MCM9: variants seen among roughly 807,000 people sequenced by gnomAD.
MCM9 encodes the protein DNA helicase MCM9.
MCM9 carries 55 observed loss-of-function variants against 72.8 expected under a neutral mutation model. That is an observed-to-expected ratio of 0.76 (90% confidence interval 0.61 to 0.95). The LOEUF (loss-of-function observed/expected upper bound fraction) is 0.95, where lower values mean the gene tolerates loss of function less well. MCM9 is among the 40% of genes least tolerant of loss of function. The pLI, the probability that MCM9 is intolerant of heterozygous loss-of-function variation, is 0.00. For synonymous variants in MCM9, 480 were observed against 503.4 expected, an observed-to-expected ratio of 0.95 and a Z score of 0.62; for missense variants, 1,279 against 1,377.0, an observed-to-expected ratio of 0.93 and a Z score of 1.13.
At chr6:118,863,881 T>TTTATA (rs1777055437) in intron 8 of MCM9, among the ~76,000 whole-genome samples, 1 of 151,958 alleles carries the variant, frequency 6.6e-6, no homozygotes, top group South Asian at 2.1e-4. Flanking sequence ...AACTACCCAG[T>TTTATA]CTTAGGTATT....
chr6:118,853,622 A>T (rs1776366629), intron 9 of MCM9, among the ~76,000 whole-genome samples: 1 of 152,142 alleles, frequency 6.6e-6, no homozygotes, highest in Admixed American at 6.5e-5. Flanking sequence ...CAACATAGCA[A>T]GACCCCACCT....
At chr6:118,927,075 C>A (rs571481426) in intron 3 of MCM9, among the ~76,000 whole-genome samples, 69 of 152,328 alleles carry the variant, frequency 4.5e-4, no homozygotes, top group African/African-American at 1.6e-3. Flanking sequence ...TTCATTCTCT[C>A]TTCCTTGGCC....
At chr6:118,849,746 T>C (rs1488956329) in intron 9 of MCM9, among the ~76,000 whole-genome samples, 1 of 151,848 alleles carries the variant, frequency 6.6e-6, no homozygotes, top group African/African-American at 2.4e-5. Flanking sequence ...ATAAGAATAC[T>C]ACATATAATC....
In MCM9 at chr6:118,925,333, T is replaced by C. The variant is rs562950122; in HGVS notation, c.305-1206A>G. Among the ~76,000 whole-genome samples the C allele has an allele frequency of 5.3e-5, 8 of 152,274 alleles. No homozygotes were observed. The East Asian group carries it at 7.7e-4, about 15-fold the overall frequency. ...GCCTACTGAAGGCCCATCCATCAGA[T>C]TGTCCAGCCCATGAGAAATGCCATA... On this transcript the variant is annotated intron_variant, in intron 3 of 13. Transcript: ENST00000619706.
intron 1 of MCM9, among the ~76,000 whole-genome samples, 180 bp from the exon 2 acceptor site, chr6:118,932,920 T>C (rs1782554363): frequency 6.6e-6 from 1 of 152,198 alleles, no homozygotes; most frequent in African/African-American, 2.4e-5. Context: ...CCCATTCTAG[T>C]TTCATGTATA....
chr6:118,894,016 A>G, intron 8 of MCM9: 4 of 987,602 alleles, frequency 4.1e-6, no homozygotes, highest in Non-Finnish European at 4.8e-6. Flanking sequence ...CCCAGCCCTT[A>G]TTCCACTCAC....
At chr6:118,830,798 CA>C (rs1396025872) in intron 9 of MCM9, among the ~76,000 whole-genome samples, 10 of 152,146 alleles carry the variant, frequency 6.6e-5, no homozygotes, top group African/African-American at 2.4e-4. Context: ...TTCCTTTGTG[CA>C]AAAAGCTGTA....
At chr6:118,931,322 G>T (rs1277040799) in intron 3 of MCM9, 98 bp downstream of exon 3, 3 of 940,668 alleles carry the variant, frequency 3.2e-6, no homozygotes, top group Non-Finnish European at 4.7e-6. Flanking sequence ...TATATTTTAA[G>T]TATAAATATC....
chr6:118,931,456 CAG>C lies in MCM9; in HGVS notation c.266_267del (p.Ala89GlyfsTer19), dbSNP rs746133031. 5 of 1,612,778 alleles carry C rather than the reference CAG, an allele frequency of 3.1e-6. No individual in the cohort carries two copies. The highest frequency in any genetic ancestry group is 4.2e-6 in the Non-Finnish European group (5 of 1,178,876). On this transcript the variant is annotated frameshift_variant, in exon 3 of 14. Transcript: ENST00000619706. LOFTEE classifies it high-confidence loss of function. ...TILQSLSQPEAVSMKQNLHAR... is the reference protein window; with the variant it reads ...TILQSLSQPEXVSMKQNLHAR... ...GCATGAAGATTCTGTTTCATGGAAACAGCCTCAGGCTGAGAAAGGGACTGGAG... is the reference window on the plus strand; with the variant it reads ...GCATGAAGATTCTGTTTCATGGAAACCCTCAGGCTGAGAAAGGGACTGGAG...
intron 8 of MCM9, among the ~76,000 whole-genome samples, chr6:118,904,711 G>A (rs1401123544): frequency 6.6e-6 from 1 of 152,166 alleles, no homozygotes; most frequent in Non-Finnish European, 1.5e-5. Flanking sequence ...ACCTTCACTG[G>A]TTTCCACATT....
At chr6:118,825,783 G>A (rs1329901713) in intron 13 of MCM9, among the ~76,000 whole-genome samples, 1 of 152,126 alleles carries the variant, frequency 6.6e-6, no homozygotes, top group Non-Finnish European at 1.5e-5. Context: ...ATTTTAATGA[G>A]TCATTAGAAA....
chr6:118,819,247 G>A (rs1219453713), intron 13 of MCM9, among the ~76,000 whole-genome samples: 1 of 152,100 alleles, frequency 6.6e-6, no homozygotes, highest in African/African-American at 2.4e-5. Context: ...TATGATATTG[G>A]CTGTAGGTTT....
chr6:118,896,042 T>TG (rs1491511945), intron 8 of MCM9, among the ~76,000 whole-genome samples: 1 of 73,374 alleles, frequency 1.4e-5, no homozygotes, highest in Non-Finnish European at 2.8e-5. Context: ...TGTGCCCCCG[T>TG]TTTTTTTTTT....
intron 5 of MCM9, chr6:118,918,520 C>T (rs1269755890): frequency 6.6e-6 from 1 of 152,168 alleles, no homozygotes; most frequent in African/African-American, 2.4e-5. Flanking sequence ...CAAACACTGC[C>T]ATCTGTACTT....
chr6:118,849,969 C>T (rs567797505), intron 9 of MCM9, among the ~76,000 whole-genome samples: 3 of 151,724 alleles, frequency 2.0e-5, no homozygotes, highest in South Asian at 2.1e-4. Flanking sequence ...GGTAGGGATA[C>T]GAATGTGATT....
intron 8 of MCM9, among the ~76,000 whole-genome samples, chr6:118,900,177 G>A (rs760054575): frequency 6.6e-6 from 1 of 152,134 alleles, no homozygotes; most frequent in East Asian, 1.9e-4. Flanking sequence ...GGGGGGTGCC[G>A]TAAGGGAAAA....
intron 8 of MCM9, among the ~76,000 whole-genome samples, chr6:118,881,300 C>T (rs1168308555): frequency 2.0e-5 from 3 of 152,080 alleles, no homozygotes; most frequent in Non-Finnish European, 2.9e-5. Flanking sequence ...TGACTCCCTC[C>T]GCATCTAGAT....
intron 1 of MCM9, among the ~76,000 whole-genome samples, chr6:118,933,801 C>T (rs1782658393): frequency 6.6e-6 from 1 of 151,846 alleles, no homozygotes; most frequent in Non-Finnish European, 1.5e-5. Context: ...CTATAGGAGG[C>T]CAGAGTGAGA....
chr6:118,852,443 A>C (rs1472159732), intron 9 of MCM9, among the ~76,000 whole-genome samples: 1 of 152,204 alleles, frequency 6.6e-6, no homozygotes, highest in East Asian at 1.9e-4. Flanking sequence ...TTATCCTTCA[A>C]ATTATTTCCT....
Sources: allele counts gnomAD v4.1 joint callset (sites outside exome capture counted in the v4.1 genomes callset), GRCh38; gene constraint gnomAD v4.1.1; transcripts MANE v1.5; gene names NCBI Gene and HGNC (gene_info 2026-07-23, HGNC 2026-07-21).